The following BMERB1 variants were observed in gnomAD, a reference collection of about 807,000 sequenced individuals.
The protein encoded by BMERB1 is bMERB domain-containing protein 1.
BMERB1 carries 12 observed loss-of-function variants against 23.6 expected under a neutral mutation model. The ratio of observed to expected loss-of-function variants is 0.51; its 90% CI spans 0.33 to 0.82. The LOEUF (loss-of-function observed/expected upper bound fraction) is 0.82. BMERB1 is among the 40% of genes least tolerant of loss of function. The probability of loss-of-function intolerance (pLI) is 0.03; values close to 1 mark genes in which losing one functional copy is unlikely to be tolerated. For missense variants in BMERB1, 247 were observed against 255.4 expected, an observed-to-expected ratio of 0.97 and a Z score of 0.22; for synonymous variants, 122 against 96.6, an observed-to-expected ratio of 1.26 and a Z score of -1.54.
At chr16:15,510,604 A>G (rs1256912230) in intron 1 of BMERB1, among the ~76,000 whole-genome samples, 1 of 152,132 alleles carries the variant, frequency 6.6e-6, no homozygotes, top group Admixed American at 6.5e-5. Flanking sequence ...CCACACAGCC[A>G]GGGAGGGGCA....
At chr16:15,462,212 C>T (rs1479580633) in intron 1 of BMERB1, among the ~76,000 whole-genome samples, 4 of 136,066 alleles carry the variant, frequency 2.9e-5, no homozygotes, top group African/African-American at 1.1e-4. Context: ...AGTGCAATGG[C>T]GCCATCTTGG....
intron 1 of BMERB1, among the ~76,000 whole-genome samples, chr16:15,464,440 TAG>T (rs1024721048): frequency 6.6e-6 from 1 of 151,634 alleles, no homozygotes; most frequent in South Asian, 2.1e-4. Context: ...CTGGCCAACA[TAG>T]AGAGACCCTG....
chr16:15,556,700 C>T (rs1251697984), intron 2 of BMERB1, among the ~76,000 whole-genome samples: 1 of 152,196 alleles, frequency 6.6e-6, no homozygotes, highest in African/African-American at 2.4e-5. Flanking sequence ...ATTCTCCTGC[C>T]TCAGCCTCCT....
At chr16:15,447,275 G>A (rs1387861486) in intron 1 of BMERB1, among the ~76,000 whole-genome samples, 3 of 152,134 alleles carry the variant, frequency 2.0e-5, no homozygotes, top group African/African-American at 4.8e-5. Flanking sequence ...AAATCATGGC[G>A]GAAGGCACAG....
chr16:15,516,594 C>A (rs577438002), intron 2 of BMERB1, among the ~76,000 whole-genome samples: 6 of 143,758 alleles, frequency 4.2e-5, no homozygotes, highest in African/African-American at 1.6e-4. Flanking sequence ...CCTGTCAGCT[C>A]ACCCACCCAC....
At chr16:15,564,465 T>C (rs1283223888) in intron 2 of BMERB1, among the ~76,000 whole-genome samples, 1 of 152,226 alleles carries the variant, frequency 6.6e-6, no homozygotes, top group South Asian at 2.1e-4. Flanking sequence ...CCTGAAGCCA[T>C]ACATTTCAAG....
At chr16:15,535,214 A>T (rs964109836) in intron 2 of BMERB1, among the ~76,000 whole-genome samples, 1 of 152,046 alleles carries the variant, frequency 6.6e-6, no homozygotes, top group East Asian at 1.9e-4. Flanking sequence ...AGCTGGGCAT[A>T]GTGGTGCATG....
intron 2 of BMERB1, among the ~76,000 whole-genome samples, chr16:15,523,221 T>C (rs1236813965): frequency 6.6e-6 from 1 of 152,200 alleles, no homozygotes; most frequent in Admixed American, 6.5e-5. Context: ...CGTGTTCCTC[T>C]TGACGTCTTC....
chr16:15,553,757 A>G (rs1203236533), intron 2 of BMERB1, among the ~76,000 whole-genome samples: 1 of 152,224 alleles, frequency 6.6e-6, no homozygotes. Flanking sequence ...ACTGTGGGCT[A>G]TAGTTTGCCA....
rs1567509756 is a variant in BMERB1 at position 15,587,488 on chromosome 16, GCT to G, written c.*663_*664del. The stretch of plus-strand genomic sequence containing the variant: ...TTCACATCAGGACAGCGTCCATTGT[GCT>G]CTCAGTCTGCCTCAGGTGTGTGCCT... On this transcript the variant is annotated 3_prime_UTR_variant, in exon 6 of 6. Transcript: ENST00000300006. 2.3e-6 allele frequency: 1 copy of G among 430,024 alleles called. No individual in the cohort carries two copies. Among genetic ancestry groups the G allele is most frequent in the East Asian group, 7.3e-5 (1 of 13,626 alleles). The allele number at this position is 430,024 out of a possible 1,614,324, so 26.6% of individuals were successfully genotyped here.
At chr16:15,460,345 G>A (rs2051123871) in intron 1 of BMERB1, among the ~76,000 whole-genome samples, 1 of 152,120 alleles carries the variant, frequency 6.6e-6, no homozygotes, top group South Asian at 2.1e-4. Context: ...AGGGTCAGAG[G>A]AAAAATACAG....
chr16:15,478,174 T>G (rs1417281735), intron 1 of BMERB1, among the ~76,000 whole-genome samples: 2 of 152,150 alleles, frequency 1.3e-5, no homozygotes, highest in African/African-American at 2.4e-5. Flanking sequence ...TTTAATTTTT[T>G]TTAGATGGAG....
At chr16:15,544,576 C>T (rs1232192284) in intron 2 of BMERB1, among the ~76,000 whole-genome samples, 1 of 152,152 alleles carries the variant, frequency 6.6e-6, no homozygotes, top group Non-Finnish European at 1.5e-5. Context: ...CCCTGGCAGC[C>T]GGGAGCTGGC....
chr16:15,581,222 G>GA lies in BMERB1; in HGVS notation c.316dup (p.Thr106AsnfsTer10), dbSNP rs2031005781. Reference sequence around the variant, plus strand: ...TGTTGATGTCTTCTTTCCAGAAAAAGAAAAAACCAAACTGCAGAAGCAGAG... The same window carrying GA: ...TGTTGATGTCTTCTTTCCAGAAAAAGAAAAAAACCAAACTGCAGAAGCAGAG... On this transcript the variant is annotated frameshift_variant, in exon 4 of 6. Coordinates refer to ENST00000300006, the MANE Select transcript of BMERB1 (RefSeq NM_033201.3). LOFTEE classifies it high-confidence loss of function. The GA allele has an allele frequency of 3.1e-6, 5 of 1,610,254 alleles. No individual in the cohort carries two copies. The highest frequency in any genetic ancestry group is 1.7e-5 in the Admixed American group (1 of 59,306).
intron 5 of BMERB1, chr16:15,584,245 G>A: frequency 5.6e-6 from 3 of 539,634 alleles, no homozygotes; most frequent in East Asian, 6.2e-5. Flanking sequence ...CTGTATTAGT[G>A]AGGCCTCTTT....
intron 1 of BMERB1, among the ~76,000 whole-genome samples, chr16:15,455,727 G>T (rs537941767): frequency 6.6e-6 from 1 of 152,266 alleles, no homozygotes; most frequent in East Asian, 1.9e-4. Context: ...CTCCCAAAGT[G>T]CTGGGATTAC....
At chr16:15,549,671 T>G (rs2030024923) in intron 2 of BMERB1, among the ~76,000 whole-genome samples, 1 of 149,434 alleles carries the variant, frequency 6.7e-6, no homozygotes, top group South Asian at 2.1e-4. Flanking sequence ...GAGTGAGACA[T>G]TGTCTAAAAA....
In BMERB1 at chr16:15,515,265, C is replaced by G. The variant is rs780415185; in HGVS notation, c.107-40C>G. 3.1e-6 allele frequency: 5 copies of G among 1,611,970 alleles called. No homozygotes were observed. In the Admixed American group the frequency reaches 6.7e-5, roughly 22 times the overall value. ...GTCAGGGTCTGTCCCATGGTGCAGCCTTGGGGTCCTGATGGTTGTATTTCC... is the reference window on the plus strand; with the variant it reads ...GTCAGGGTCTGTCCCATGGTGCAGCGTTGGGGTCCTGATGGTTGTATTTCC... On this transcript the variant is annotated intron_variant, in intron 1 of 5. Coordinates refer to ENST00000300006, the MANE Select transcript of BMERB1 (RefSeq NM_033201.3).
At chr16:15,565,849 A>G (rs1197898150) in intron 2 of BMERB1, among the ~76,000 whole-genome samples, 1 of 152,204 alleles carries the variant, frequency 6.6e-6, no homozygotes, top group Non-Finnish European at 1.5e-5. Context: ...CCTGTCTCAA[A>G]AAACAAAACA....
Sources: allele counts gnomAD v4.1 joint callset (sites outside exome capture counted in the v4.1 genomes callset), GRCh38; gene constraint gnomAD v4.1.1; transcripts MANE v1.5; gene names NCBI Gene and HGNC (gene_info 2026-07-23, HGNC 2026-07-21).